Variants in FGF14 observed in about 807,000 individuals in gnomAD.
The protein encoded by FGF14 is fibroblast growth factor homologous factor 4.
Under a neutral mutation model 25.5 loss-of-function variants are expected in FGF14, and 5 were observed. That is an observed-to-expected ratio of 0.20 (90% CI 0.10 to 0.41). The LOEUF (loss-of-function observed/expected upper bound fraction) is 0.41. Ranked by LOEUF, FGF14 falls within the 10% of genes least tolerant of loss-of-function variation. FGF14 has a pLI of 1.00. For missense variants in FGF14, 222 were observed against 320.1 expected (o/e 0.69, Z 2.34); for synonymous variants, 138 against 118.3 (o/e 1.17, Z -1.08).
chr13:102,325,583 G>T (rs2056398587), intron 1 of FGF14, among the ~76,000 whole-genome samples: 1 of 152,036 alleles, frequency 6.6e-6, no homozygotes. Flanking sequence ...CATGGGTAAG[G>T]CCCTTCCTTC....
intron 1 of FGF14, among the ~76,000 whole-genome samples, chr13:102,109,763 G>A (rs1030670122): frequency 1.2e-4 from 18 of 152,044 alleles, no homozygotes; most frequent in Non-Finnish European, 2.4e-4. Flanking sequence ...GGGACTACAG[G>A]CACCTGCCAC....
At chr13:101,905,689 C>G (rs1419408027) in intron 1 of FGF14, among the ~76,000 whole-genome samples, 4 of 151,958 alleles carry the variant, frequency 2.6e-5, no homozygotes, top group African/African-American at 4.8e-5. Flanking sequence ...TACCCCGGAA[C>G]TTAAAGTATA....
chr13:102,238,962 T>A (rs1158961126), intron 1 of FGF14, among the ~76,000 whole-genome samples: 1 of 152,098 alleles, frequency 6.6e-6, no homozygotes. Context: ...CTATGACCTA[T>A]GTTGCCTATC....
At chr13:101,952,907 G>A (rs541730487) in intron 1 of FGF14, among the ~76,000 whole-genome samples, 61 of 152,210 alleles carry the variant, frequency 4.0e-4, no homozygotes, top group African/African-American at 2.4e-4. Flanking sequence ...GGTGGTAGGC[G>A]CCTGTGATCC....
intron 1 of FGF14, chr13:102,368,035 T>C (rs983889924): frequency 6.6e-6 from 1 of 152,190 alleles, no homozygotes; most frequent in Admixed American, 6.5e-5. Flanking sequence ...ATCGTGGTGC[T>C]AATTCCCTTC....
intron 2 of FGF14, among the ~76,000 whole-genome samples, chr13:101,874,267 T>C (rs1322098008): frequency 6.6e-6 from 1 of 152,090 alleles, no homozygotes; most frequent in Admixed American, 6.6e-5. Context: ...TGTGTATTAT[T>C]CAAACCCTCA....
At chr13:101,911,296 T>C (rs1317165260) in intron 1 of FGF14, among the ~76,000 whole-genome samples, 1 of 152,140 alleles carries the variant, frequency 6.6e-6, no homozygotes, top group East Asian at 1.9e-4. Flanking sequence ...ACGGTAACTT[T>C]GGGACAGAAG....
intron 2 of FGF14, among the ~76,000 whole-genome samples, chr13:101,870,812 G>T (rs1334871099): frequency 2.6e-5 from 4 of 152,040 alleles, no homozygotes; most frequent in Non-Finnish European, 5.9e-5. Context: ...AATTAGCCAG[G>T]CGTGGTGGGG....
intron 1 of FGF14, among the ~76,000 whole-genome samples, chr13:102,147,675 A>G (rs900839200): frequency 2.0e-5 from 3 of 152,176 alleles, no homozygotes; most frequent in Admixed American, 2.0e-4. Flanking sequence ...ATTTCAGCAC[A>G]GAAGCCCAGA....
chr13:102,075,385 A>C (rs565896930), intron 1 of FGF14, among the ~76,000 whole-genome samples: 1 of 152,314 alleles, frequency 6.6e-6, no homozygotes, highest in Non-Finnish European at 1.5e-5. Flanking sequence ...GACAGAAAAC[A>C]TACAAGACAG....
chr13:102,241,455 G>A (rs1299964727), intron 1 of FGF14, among the ~76,000 whole-genome samples: 7 of 151,932 alleles, frequency 4.6e-5, no homozygotes, highest in Non-Finnish European at 7.4e-5. Flanking sequence ...TTTCCCCATC[G>A]TAAAAAGACT....
intron 1 of FGF14, among the ~76,000 whole-genome samples, chr13:102,130,246 G>A (rs139109370): frequency 4.6e-5 from 7 of 152,166 alleles, no homozygotes; most frequent in Admixed American, 3.3e-4. Context: ...AGGTAAATGA[G>A]TCCAAAATGG....
At chr13:102,068,522 G>A (rs1367005503) in intron 1 of FGF14, among the ~76,000 whole-genome samples, 1 of 152,228 alleles carries the variant, frequency 6.6e-6, no homozygotes, top group Non-Finnish European at 1.5e-5. Context: ...TTGCGGGCCA[G>A]CTGGAGTTCC....
At chr13:102,283,564 C>A (rs544420687) in intron 1 of FGF14, among the ~76,000 whole-genome samples, 1 of 152,242 alleles carries the variant, frequency 6.6e-6, no homozygotes, top group Non-Finnish European at 1.5e-5. Flanking sequence ...TTTATTTCAC[C>A]ATTTCTTCAA....
At chr13:101,917,026 G>A (rs1013271163), upstream of FGF14, among the ~76,000 whole-genome samples, 376 of 151,714 alleles carry the variant, frequency 2.5e-3, 1 homozygote, top group Middle Eastern at 0.014. Flanking sequence ...CGCCCTGCCC[G>A]GCTCCCGGGC....
intron 1 of FGF14, among the ~76,000 whole-genome samples, chr13:102,385,811 CATAA>C (rs1457395665): frequency 5.3e-5 from 8 of 152,122 alleles, no homozygotes; most frequent in African/African-American, 1.9e-4. Flanking sequence ...CATACACACC[CATAA>C]ATACATTCAA....
chr13:102,357,532 C>T (rs1441115566), intron 1 of FGF14, among the ~76,000 whole-genome samples: 1 of 152,192 alleles, frequency 6.6e-6, no homozygotes, highest in African/African-American at 2.4e-5. Context: ...GTATGTTCTG[C>T]AGTCAGACTG....
intron 3 of FGF14, among the ~76,000 whole-genome samples, chr13:101,818,362 T>G (rs2041943947): frequency 6.6e-6 from 1 of 152,212 alleles, no homozygotes; most frequent in Non-Finnish European, 1.5e-5. Context: ...GACTTGAGCT[T>G]GGATGCTGCC....
intron 1 of FGF14, among the ~76,000 whole-genome samples, chr13:101,996,638 G>A (rs2039202070): frequency 6.6e-6 from 1 of 152,158 alleles, no homozygotes; most frequent in Non-Finnish European, 1.5e-5. Flanking sequence ...AGAATAAAGA[G>A]CTGACCATTG....
Sources: allele counts gnomAD v4.1 joint callset (sites outside exome capture counted in the v4.1 genomes callset), GRCh38; gene constraint gnomAD v4.1.1; transcripts MANE v1.5; gene names NCBI Gene and HGNC (gene_info 2026-07-23, HGNC 2026-07-21).